The following USP53 variants were observed in gnomAD, a reference collection of about 807,000 sequenced individuals.
USP53 encodes the protein ubiquitin specific peptidase 53, also known as ubiquitin carboxyl-terminal hydrolase 53.
A neutral mutation model predicts 94.9 loss-of-function variants in USP53; 71 were observed. The observed-to-expected ratio is 0.75, with a 90% CI of 0.62 to 0.91. The LOEUF is 0.91. Ranked by LOEUF, USP53 falls within the 40% of genes least tolerant of loss-of-function variation. USP53 has a pLI of 0.00. For synonymous variants in USP53, 375 were observed against 422.7 expected, an observed-to-expected ratio of 0.89 and a Z score of 1.39; for missense variants, 1,173 against 1,281.0, an observed-to-expected ratio of 0.92 and a Z score of 1.29.
chr4:119,278,067 G>C (rs1316410566), intron 17 of USP53, among the ~76,000 whole-genome samples: 2 of 149,784 alleles, frequency 1.3e-5, no homozygotes, highest in African/African-American at 4.9e-5. Context: ...TTGCCAGTCT[G>C]TGTCTTTTAA....
In USP53 at chr4:119,269,724, TAAA is replaced by T. The variant is rs1385880045; in HGVS notation, c.1324_1326del (p.Lys442del). ...AGTCACATTGATCAAAGGGAAAAGA[TAAA>T]AGACATTTCCAGAGAATGTGCTCTG... On this transcript the variant is annotated inframe_deletion, in exon 15 of 19. Transcript: ENST00000692078. The T allele has an allele frequency of 2.0e-6, 3 of 1,498,078 alleles. No individual in the cohort carries two copies. In the African/African-American group the frequency reaches 4.3e-5, roughly 21 times the overall value. 92.8% of individuals were successfully genotyped at this position (1,498,078 alleles called of 1,614,324 possible).
chr4:119,284,062 T>G (rs1753810684), intron 17 of USP53, among the ~76,000 whole-genome samples: 1 of 151,750 alleles, frequency 6.6e-6, no homozygotes, highest in Non-Finnish European at 1.5e-5. Flanking sequence ...TGAGAAAATA[T>G]TGGAGATGGG....
intron 5 of USP53, among the ~76,000 whole-genome samples, chr4:119,243,076 T>G (rs1747758927): frequency 6.6e-6 from 1 of 152,260 alleles, no homozygotes; most frequent in Admixed American, 6.5e-5. Context: ...ACATTAATTT[T>G]GTTAGGCACC....
intron 17 of USP53, among the ~76,000 whole-genome samples, chr4:119,284,402 T>G (rs1016372441): frequency 6.6e-6 from 1 of 151,778 alleles, no homozygotes; most frequent in Admixed American, 6.6e-5. Flanking sequence ...CTTGTCTGCC[T>G]ATGTCATGAT....
chr4:119,246,300 ACT>A (rs1748232163), intron 6 of USP53, among the ~76,000 whole-genome samples: 1 of 152,150 alleles, frequency 6.6e-6, no homozygotes, highest in African/African-American at 2.4e-5. Flanking sequence ...AGGTGATATA[ACT>A]CTCACCCACC....
Position 119,291,156 on chromosome 4 carries a change from C to CCA in USP53, c.2252-9_2252-8insCA. On this transcript the variant is annotated splice_polypyrimidine_tract_variant and intron_variant, in intron 17 of 18. Transcript: ENST00000692078. ...CCTCATCTCTTCTCCCCACCCCACC[C>CCA]AACCCTAGGCTTTAGAAAAGAACTC... The CCA allele has an allele frequency of 3.1e-6, 4 of 1,306,154 alleles. No homozygotes were observed. Among genetic ancestry groups the CCA allele is most frequent in the Non-Finnish European group, 4.2e-6 (4 of 954,490 alleles). 80.9% of individuals were successfully genotyped at this position (1,306,154 alleles called of 1,614,324 possible).
intron 17 of USP53, among the ~76,000 whole-genome samples, chr4:119,279,776 G>C (rs1031742302): frequency 6.6e-6 from 1 of 152,224 alleles, no homozygotes; most frequent in African/African-American, 2.4e-5. Flanking sequence ...AGGACCCTCT[G>C]AGCCAGGTGT....
At chr4:119,261,500 G>A (rs1020881176) in intron 11 of USP53, among the ~76,000 whole-genome samples, 17 of 152,096 alleles carry the variant, frequency 1.1e-4, no homozygotes, top group African/African-American at 2.2e-4. Context: ...TAGTGAATTC[G>A]TTTTATTGGA....
chr4:119,243,132 A>C (rs912791720), intron 5 of USP53, among the ~76,000 whole-genome samples: 3 of 152,224 alleles, frequency 2.0e-5, no homozygotes, highest in Non-Finnish European at 4.4e-5. Flanking sequence ...ATATTGCTAG[A>C]AACTAATTAG....
At chr4:119,283,586 A>G (rs1753752528) in intron 17 of USP53, among the ~76,000 whole-genome samples, 1 of 151,882 alleles carries the variant, frequency 6.6e-6, no homozygotes, top group Non-Finnish European at 1.5e-5. Context: ...ATGTCAAGAA[A>G]TATTTGAGAG....
intron 16 of USP53, chr4:119,273,102 A>G (rs1280415947): frequency 6.6e-6 from 1 of 152,488 alleles, no homozygotes; most frequent in African/African-American, 2.4e-5. Flanking sequence ...TGAGCCCAGG[A>G]GTTCAATACT....
intron 17 of USP53, among the ~76,000 whole-genome samples, chr4:119,285,528 G>C (rs906606151): frequency 1.3e-5 from 2 of 151,696 alleles, no homozygotes; most frequent in African/African-American, 4.8e-5. Context: ...GTTAATCAGT[G>C]GTTTAAAAAT....
chr4:119,279,066 G>A (rs1489439978), intron 17 of USP53, among the ~76,000 whole-genome samples: 1 of 144,588 alleles, frequency 6.9e-6, no homozygotes, highest in Admixed American at 7.0e-5. Flanking sequence ...GTAGCTCAGA[G>A]TAATTTGATC....
Position 119,260,535 on chromosome 4 carries a change from G to A in USP53, c.704G>A (p.Arg235His), listed in dbSNP as rs562373380. 17 of 1,613,040 alleles carry A rather than the reference G, an allele frequency of 1.1e-5. No homozygotes were observed. Among genetic ancestry groups the A allele is most frequent in the Admixed American group, 6.7e-5 (4 of 59,892 alleles). The change falls in exon 11 of 19, where the codon CGC (arginine) becomes CAC (histidine). Residue 235 changes from arginine to histidine, a missense_variant. Physicochemically the swap from Arg to His is conservative, Grantham distance 29 (BLOSUM62 0). Transcript: ENST00000692078. ...AACTGTGGCCAAAAAATAAAAATTC[G>A]CCGTGTTTTAATGAATTGCCCAGAG... ...PSNCGQKIKI[R>H]RVLMNCPEIV...
In USP53 at chr4:119,293,296, G is replaced by GT; in HGVS notation, c.*86dup. ...CAAAGATATAAACCTAGCATACATT[G>GT]TAATAGATAACTGGTAAAACTGACC... On this transcript the variant is annotated 3_prime_UTR_variant, in exon 19 of 19. Transcript: ENST00000692078. The GT allele has an allele frequency of 6.9e-7, 1 of 1,441,930 alleles. No homozygotes were observed. The highest frequency in any genetic ancestry group is 1.8e-4 in the Middle Eastern group (1 of 5,464). The allele number at this position is 1,441,930 out of a possible 1,614,324, so 89.3% of individuals were successfully genotyped here. A position where few individuals can be genotyped will look rare whatever the true frequency, so the allele number is the denominator to read the frequency against.
chr4:119,237,082 T>A (rs1201508512), intron 4 of USP53, among the ~76,000 whole-genome samples: 1 of 152,180 alleles, frequency 6.6e-6, no homozygotes, highest in Non-Finnish European at 1.5e-5. Flanking sequence ...TCTTTGTACA[T>A]CACCATCAGA....
chr4:119,283,933 C>G (rs560211008), intron 17 of USP53, among the ~76,000 whole-genome samples: 1 of 151,554 alleles, frequency 6.6e-6, no homozygotes, highest in Non-Finnish European at 1.5e-5. Flanking sequence ...AATTGGAGAT[C>G]GAAGGGCAAG....
At position 119,293,073 on chromosome 4, in the gene USP53, T is replaced by C. The variant is rs975366541; in HGVS notation, c.3084T>C (p.Cys1028=). ...CAGAACTAGACTCTATTTCTACCTG[T>C]CCAAATGAGACAGTTTCATTAACTA... ...CQPELDSIST[C]PNETVSLTTY... Residue 1028 remains cysteine, a synonymous_variant, in exon 19 of 19, where the codon TGT becomes TGC. Coordinates refer to ENST00000692078, the MANE Select transcript of USP53 (RefSeq NM_001371395.1). 1.2e-6 allele frequency: 2 copies of C among 1,613,970 alleles called. No homozygotes were observed. Among genetic ancestry groups the C allele is most frequent in the African/African-American group, 2.7e-5 (2 of 74,928 alleles).
At chr4:119,239,120 GTT>G (rs1298466720) in intron 4 of USP53, 96 bp from the exon 5 acceptor site, 1 of 151,948 alleles carries the variant, frequency 6.6e-6, no homozygotes, top group East Asian at 1.9e-4. Context: ...TTTATGACGA[GTT>G]TTAATTCTAT....
Sources: gnomAD v4.1 joint callset for allele counts (sites outside exome capture counted in the v4.1 genomes callset) on GRCh38, gnomAD v4.1.1 for gene constraint, MANE v1.5 for transcripts, NCBI Gene and HGNC (gene_info 2026-07-23, HGNC 2026-07-21) for gene names.